Variants in TMEM132D observed in about 807,000 individuals in gnomAD.
The protein encoded by TMEM132D is transmembrane protein 132D, also known as mature OL transmembrane protein.
Under a neutral mutation model 62.3 loss-of-function variants are expected in TMEM132D, and 21 were observed. That is an observed-to-expected ratio of 0.34 (90% CI 0.24 to 0.49). The LOEUF is 0.49. Among genes scored for constraint, TMEM132D ranks in the 20% least tolerant of loss-of-function variants. The pLI is 0.99. For synonymous variants in TMEM132D, 621 were observed against 575.6 expected (o/e 1.08, Z -1.13); for missense variants, 1,346 against 1,402.8 (o/e 0.96, Z 0.65).
chr12:129,216,880 G>C lies in TMEM132D; in HGVS notation c.1300-7217C>G, dbSNP rs1384616508. Among the ~76,000 whole-genome samples, 4 of 152,196 alleles carry C rather than the reference G, an allele frequency of 2.6e-5. No individual in the cohort carries two copies. In the East Asian group the frequency reaches 7.7e-4, roughly 29 times the overall value. ...CTCACAGATAATCACCATCTTAACT[G>C]ATGCAACCTGAAAGGGGACCGCCTC... On this transcript the variant is annotated intron_variant, in intron 4 of 8. Transcript: ENST00000422113.
intron 3 of TMEM132D, among the ~76,000 whole-genome samples, chr12:129,515,965 G>A (rs1875662124): frequency 6.6e-6 from 1 of 152,158 alleles, no homozygotes; most frequent in South Asian, 2.1e-4. Context: ...CATGAACCAT[G>A]CAGAAAGTGA....
chr12:129,269,093 A>C (rs1022386108), intron 4 of TMEM132D, among the ~76,000 whole-genome samples: 4 of 151,888 alleles, frequency 2.6e-5, no homozygotes, highest in South Asian at 2.1e-4. Context: ...TGGGTGCAGC[A>C]CACCAACATG....
intron 5 of TMEM132D, among the ~76,000 whole-genome samples, chr12:129,206,220 C>T (rs1362499286): frequency 6.6e-6 from 1 of 152,184 alleles, no homozygotes; most frequent in Non-Finnish European, 1.5e-5. Flanking sequence ...ACAAAGGTCT[C>T]ATATCCCGCA....
intron 1 of TMEM132D, among the ~76,000 whole-genome samples, chr12:129,765,560 G>A (rs1409869183): frequency 3.6e-5 from 2 of 55,610 alleles, no homozygotes; most frequent in Admixed American, 2.2e-4. Context: ...GAGTGAAATT[G>A]CATCTCCCAA....
intron 5 of TMEM132D, among the ~76,000 whole-genome samples, chr12:129,143,504 C>G (rs999070803): frequency 6.6e-6 from 1 of 152,168 alleles, no homozygotes; most frequent in South Asian, 2.1e-4. Context: ...GAATGAGGGT[C>G]TTTTGACCCA....
intron 4 of TMEM132D, among the ~76,000 whole-genome samples, chr12:129,254,762 G>T (rs1443728313): frequency 6.6e-6 from 1 of 152,078 alleles, no homozygotes; most frequent in Non-Finnish European, 1.5e-5. Flanking sequence ...TCCCCCCATA[G>T]CCTCATCCTC....
At chr12:129,163,013 G>T (rs148787303) in intron 5 of TMEM132D, among the ~76,000 whole-genome samples, 136 of 152,240 alleles carry the variant, frequency 8.9e-4, no homozygotes, top group African/African-American at 3.1e-3. Flanking sequence ...GCTGCAAGGT[G>T]CAACAGCAGC....
chr12:129,754,648 T>A (rs1216816764), intron 1 of TMEM132D, among the ~76,000 whole-genome samples: 1 of 151,998 alleles, frequency 6.6e-6, no homozygotes, highest in East Asian at 1.9e-4. Flanking sequence ...TTAGACTCAT[T>A]TACAGAGAAA....
At chr12:129,343,953 A>G (rs1869601797) in intron 3 of TMEM132D, among the ~76,000 whole-genome samples, 1 of 152,130 alleles carries the variant, frequency 6.6e-6, no homozygotes, top group Non-Finnish European at 1.5e-5. Context: ...ATGAAGAAAG[A>G]TAATAATATT....
chr12:129,854,828 G>A (rs1292245413), intron 1 of TMEM132D: 1 of 152,272 alleles, frequency 6.6e-6, no homozygotes, highest in Non-Finnish European at 1.5e-5. Flanking sequence ...TGGGATCTGA[G>A]CCGAGCCATC....
chr12:129,439,754 G>T (rs945393217), intron 3 of TMEM132D, among the ~76,000 whole-genome samples: 1 of 152,076 alleles, frequency 6.6e-6, no homozygotes, highest in Middle Eastern at 3.2e-3. Context: ...GACTGGCCTG[G>T]AGTTTTTTTT....
In TMEM132D at chr12:129,084,518, A is replaced by G. The variant is rs929464545; in HGVS notation, c.1628T>C (p.Val543Ala). ...TELNQIKGWR[V>A]PIVSSRRPAG... ...CCACCTCCTGCTGGAGACGATGGGCACTCTCCAACCCTTGATCTGATTGAG... is the reference window on the plus strand; with the variant it reads ...CCACCTCCTGCTGGAGACGATGGGCGCTCTCCAACCCTTGATCTGATTGAG... The change falls in exon 6 of 9, where the codon GTG (valine) becomes GCG (alanine). Residue 543 changes from valine to alanine, a missense_variant. By Grantham distance (64) the Val-to-Ala change is moderately conservative. Coordinates refer to ENST00000422113, the MANE Select transcript of TMEM132D (RefSeq NM_133448.3). 8 of 1,604,366 alleles carry G rather than the reference A, an allele frequency of 5.0e-6. No homozygotes were observed. Among genetic ancestry groups the G allele is most frequent in the Middle Eastern group, 1.7e-4 (1 of 5,992 alleles).
At chr12:129,771,264 C>G (rs947695842) in intron 1 of TMEM132D, among the ~76,000 whole-genome samples, 1 of 152,232 alleles carries the variant, frequency 6.6e-6, no homozygotes, top group African/African-American at 2.4e-5. Context: ...CCTGGCTCTA[C>G]CGCATACCAA....
At position 129,371,972 on chromosome 12, in the gene TMEM132D, A is replaced by G. The variant is rs1184445191; in HGVS notation, c.1116-34155T>C. On this transcript the variant is annotated intron_variant, in intron 3 of 8. Transcript: ENST00000422113. This position sits in a 1 kb window ranked among gnomAD's most constrained non-coding sequence, Gnocchi z 4.3. ...TGTGGACCAGTGTGATGGTCATTTT[A>G]TATGTCAACTTAAGTTAGCTAAGGG... 1.3e-5 allele frequency among the ~76,000 whole-genome samples: 2 copies of G among 152,152 alleles called. No individual in the cohort carries two copies. Among genetic ancestry groups the G allele is most frequent in the Admixed American group, 1.3e-4 (2 of 15,284 alleles).
chr12:129,157,581 G>C (rs183809058), intron 5 of TMEM132D, among the ~76,000 whole-genome samples: 8 of 152,276 alleles, frequency 5.3e-5, no homozygotes, highest in African/African-American at 1.9e-4. Context: ...AAACACAATG[G>C]AAGCAACAGA....
chr12:129,256,908 T>C (rs1036201395), intron 4 of TMEM132D, among the ~76,000 whole-genome samples: 4 of 152,124 alleles, frequency 2.6e-5, no homozygotes, highest in East Asian at 1.9e-4. Context: ...TTGAGCCTTA[T>C]TGAGATCCCA....
intron 2 of TMEM132D, among the ~76,000 whole-genome samples, chr12:129,682,160 A>C (rs1474544381): frequency 6.6e-6 from 1 of 152,210 alleles, no homozygotes; most frequent in Non-Finnish European, 1.5e-5. Flanking sequence ...TGGAAAACGA[A>C]TCAACACTGC....
At chr12:129,212,899 A>G (rs1479831166) in intron 4 of TMEM132D, among the ~76,000 whole-genome samples, 1 of 152,194 alleles carries the variant, frequency 6.6e-6, no homozygotes, top group Non-Finnish European at 1.5e-5. Flanking sequence ...ACTGTCATCC[A>G]TTATAGGGAA....
chr12:129,692,857 G>GT (rs1296217804), intron 2 of TMEM132D, among the ~76,000 whole-genome samples: 2 of 152,098 alleles, frequency 1.3e-5, no homozygotes, highest in Non-Finnish European at 2.9e-5. Flanking sequence ...GGGGAGGGCA[G>GT]TGGGGGGAGA....
Sources: allele counts gnomAD v4.1 joint callset (sites outside exome capture counted in the v4.1 genomes callset), GRCh38; gene constraint gnomAD v4.1.1; non-coding constraint Gnocchi (gnomAD v3.1); transcripts MANE v1.5; gene names NCBI Gene and HGNC (gene_info 2026-07-23, HGNC 2026-07-21).